The following GRK3 variants were observed in gnomAD, a reference collection of about 807,000 sequenced individuals.
GRK3 encodes adrenergic, beta, receptor kinase 2.
A neutral mutation model predicts 95.7 loss-of-function variants in GRK3; 54 were observed. The observed-to-expected ratio is 0.56, with a 90% CI of 0.45 to 0.71. The LOEUF (loss-of-function observed/expected upper bound fraction) is 0.71, where lower values mean the gene tolerates loss of function less well. Ranked by LOEUF, GRK3 falls within the 30% of genes least tolerant of loss-of-function variation. GRK3 has a pLI of 0.00. For missense variants in GRK3, 649 were observed against 851.2 expected, an observed-to-expected ratio of 0.76 and a Z score of 2.96; for synonymous variants, 281 against 290.8, an observed-to-expected ratio of 0.97 and a Z score of 0.34.
rs140890933 is a variant in GRK3, at chr22:25,705,188, C to T, written c.1328+979C>T. On this transcript the variant is annotated intron_variant, in intron 15 of 20. Coordinates refer to ENST00000324198, the MANE Select transcript of GRK3 (RefSeq NM_005160.4). ...ATAATAGATGAAGATTTAGCTCACT[C>T]ATTACTGTCTCTGTAGCCTTCCCTT... Among the ~76,000 whole-genome samples the T allele has an allele frequency of 1.1e-3, 166 of 152,276 alleles. 1 individual carries two copies. The highest frequency in any genetic ancestry group is 3.9e-3 in the African/African-American group (161 of 41,542).
chr22:25,716,543 C>T (rs6004745), intron 18 of GRK3, among the ~76,000 whole-genome samples: 72 of 151,930 alleles, frequency 4.7e-4, no homozygotes, highest in African/African-American at 1.5e-3. Flanking sequence ...GTAAGTAATT[C>T]GTGCATAAGT....
chr22:25,670,881 CAAAAAAA>C (rs71191074), intron 6 of GRK3, among the ~76,000 whole-genome samples: 52 of 65,688 alleles, frequency 7.9e-4, no homozygotes, highest in African/African-American at 1.6e-3. Flanking sequence ...ACTAAAAATA[CAAAAAAA>C]AAAAAAAAAA....
At chr22:25,677,658 G>A (rs912380424) in intron 8 of GRK3, among the ~76,000 whole-genome samples, 4 of 152,122 alleles carry the variant, frequency 2.6e-5, no homozygotes, top group African/African-American at 9.7e-5. Flanking sequence ...ACTTAAACAT[G>A]ATAAGTTATG....
At chr22:25,622,263 A>T (rs1281181836) in intron 2 of GRK3, among the ~76,000 whole-genome samples, 2 of 152,206 alleles carry the variant, frequency 1.3e-5, no homozygotes, top group African/African-American at 4.8e-5. Context: ...GTCGGTGTGC[A>T]GCAGGTCCTG....
At chr22:25,714,331 C>A in intron 17 of GRK3, 77 bp from the exon 18 acceptor site, 1 of 1,272,038 alleles carries the variant, frequency 7.9e-7, no homozygotes, top group Non-Finnish European at 1.1e-6. Flanking sequence ...ATAGAGTCAC[C>A]ATGGATGTGG....
intron 11 of GRK3, among the ~76,000 whole-genome samples, chr22:25,688,078 T>C (rs773503025): frequency 7.9e-5 from 12 of 151,682 alleles, no homozygotes; most frequent in Non-Finnish European, 1.8e-4. Context: ...CTACTAAAAA[T>C]ACAAAAAATT....
rs113276635 is a variant in GRK3, at chr22:25,588,091, G to T, written c.114-16286G>T. On this transcript the variant is annotated intron_variant, in intron 1 of 20. Transcript: ENST00000324198. Reference sequence around the variant, plus strand: ...TGGGATTACAGGTGTGAGCCACCACGCCCTGCCTGTTGTAACTAATTTAAA... The same window carrying T: ...TGGGATTACAGGTGTGAGCCACCACTCCCTGCCTGTTGTAACTAATTTAAA... Among the ~76,000 whole-genome samples the T allele has an allele frequency of 3.3e-5, 5 of 152,126 alleles. No individual in the cohort carries two copies. The East Asian group carries it at 7.7e-4, about 24-fold the overall frequency.
chr22:25,629,190 G>A (rs2146366210), intron 2 of GRK3, among the ~76,000 whole-genome samples: 1 of 152,292 alleles, frequency 6.6e-6, no homozygotes, highest in East Asian at 1.9e-4. Flanking sequence ...TTCCAAGTGT[G>A]CTGCTTTCTG....
chr22:25,570,479 T>C (rs1410274287), intron 1 of GRK3, among the ~76,000 whole-genome samples: 3 of 152,220 alleles, frequency 2.0e-5, no homozygotes, highest in African/African-American at 7.2e-5. Context: ...ATTTTTGGCT[T>C]TATTTGCAAT....
intron 1 of GRK3, among the ~76,000 whole-genome samples, chr22:25,583,187 G>T (rs1932164169): frequency 6.6e-6 from 1 of 152,110 alleles, no homozygotes; most frequent in Non-Finnish European, 1.5e-5. Context: ...CTGTTTGCTA[G>T]TGGTAATTTC....
intron 19 of GRK3, among the ~76,000 whole-genome samples, chr22:25,720,108 G>A (rs564442914): frequency 1.3e-5 from 2 of 152,132 alleles, no homozygotes; most frequent in African/African-American, 2.4e-5. Flanking sequence ...TCCAGGTAAT[G>A]AGCGGACCTG....
intron 3 of GRK3, chr22:25,648,071 G>A (rs951219846): frequency 1.7e-5 from 9 of 534,252 alleles, no homozygotes; most frequent in African/African-American, 3.8e-5. Context: ...AGCTGAGATC[G>A]CGCCACTGCA....
chr22:25,685,310 C>A, intron 10 of GRK3, 62 bp downstream of exon 10: 1 of 1,288,320 alleles, frequency 7.8e-7, no homozygotes, highest in Non-Finnish European at 1.1e-6. Context: ...TAAATCTTAG[C>A]ATGCATTAAT....
chr22:25,672,042 T>C (rs1239152187), intron 6 of GRK3, among the ~76,000 whole-genome samples: 1 of 152,246 alleles, frequency 6.6e-6, no homozygotes, highest in East Asian at 1.9e-4. Context: ...ATCTCCGTAT[T>C]GGACTCTGCT....
chr22:25,663,761 G>T (rs1350556788), intron 5 of GRK3, 57 bp downstream of exon 5: 23 of 1,279,376 alleles, frequency 1.8e-5, no homozygotes, highest in Non-Finnish European at 4.5e-6. Context: ...CTTGGCCTTG[G>T]TGACATTCTT....
At chr22:25,626,247 G>A (rs943846942) in intron 2 of GRK3, among the ~76,000 whole-genome samples, 1 of 152,152 alleles carries the variant, frequency 6.6e-6, no homozygotes, top group African/African-American at 2.4e-5. Context: ...TTCTCTTAGT[G>A]TGAAGTCTTA....
intron 15 of GRK3, among the ~76,000 whole-genome samples, chr22:25,708,515 C>T (rs114192404): frequency 1.4e-3 from 209 of 152,252 alleles, no homozygotes; most frequent in African/African-American, 4.9e-3. Context: ...AAGCTCTGGG[C>T]TGGGCGAGAT....
At chr22:25,629,693 G>A (rs1215356183) in intron 2 of GRK3, among the ~76,000 whole-genome samples, 1 of 152,170 alleles carries the variant, frequency 6.6e-6, no homozygotes, top group African/African-American at 2.4e-5. Flanking sequence ...GTGTGTTGCA[G>A]TAACATGAAT....
At chr22:25,687,752 T>C (rs1289920970) in intron 11 of GRK3, 85 bp downstream of exon 11, 2 of 1,490,216 alleles carry the variant, frequency 1.3e-6, no homozygotes, top group Admixed American at 3.6e-5. Context: ...CATAGAGTCC[T>C]GTCATTTTCC....
Sources: gnomAD v4.1 joint callset for allele counts (sites outside exome capture counted in the v4.1 genomes callset) on GRCh38, gnomAD v4.1.1 for gene constraint, MANE v1.5 for transcripts, NCBI Gene and HGNC (gene_info 2026-07-23, HGNC 2026-07-21) for gene names.